LHFPL2: variants seen among roughly 807,000 people sequenced by gnomAD.
LHFPL2 encodes the protein LHFPL tetraspan subfamily member 2.
In LHFPL2, 7 loss-of-function variants were observed where a neutral mutation model predicts 17.5. The ratio of observed to expected loss-of-function variants is 0.40; its 90% CI spans 0.23 to 0.75. The LOEUF (loss-of-function observed/expected upper bound fraction) is 0.75. Among genes scored for constraint, LHFPL2 ranks in the 30% least tolerant of loss-of-function variants. The pLI is 0.37. For missense variants in LHFPL2, 241 were observed against 294.8 expected, an observed-to-expected ratio of 0.82 and a Z score of 1.34; for synonymous variants, 134 against 116.2, an observed-to-expected ratio of 1.15 and a Z score of -0.99.
intron 1 of LHFPL2, among the ~76,000 whole-genome samples, chr5:78,640,204 C>A (rs775732808): frequency 2.2e-4 from 34 of 151,998 alleles, no homozygotes; most frequent in Non-Finnish European, 4.6e-4. Flanking sequence ...AAAAAAAAAT[C>A]AAACATGCCA....
In LHFPL2 at chr5:78,489,125, G is replaced by C; in HGVS notation, c.459C>G (p.Leu153=). ...TCTGGCAACCCCAGCCAGCAGGGTA[G>C]AGTATCAAACCGAGGATAAGGAATA... ...AGLFLILGLI[L]YPAGWGCQKA... Residue 153 remains leucine (L), a synonymous_variant, in exon 5 of 5, where the codon CTC becomes CTG. Coordinates refer to ENST00000380345, the MANE Select transcript of LHFPL2 (RefSeq NM_005779.3). 6.2e-7 allele frequency: 1 copy of C among 1,614,182 alleles called. No homozygotes were observed. The highest frequency in any genetic ancestry group is 1.7e-5 in the Admixed American group (1 of 60,030).
At chr5:78,567,530 T>C (rs1756889893) in intron 2 of LHFPL2, among the ~76,000 whole-genome samples, 1 of 152,204 alleles carries the variant, frequency 6.6e-6, no homozygotes, top group Non-Finnish European at 1.5e-5. Context: ...GGCATCTGTT[T>C]TTTAGAAACA....
chr5:78,538,340 T>C lies in LHFPL2; in HGVS notation c.-186+26473A>G, dbSNP rs551816275. 2.8e-3 allele frequency among the ~76,000 whole-genome samples: 431 copies of C among 152,148 alleles called. 3 individuals are homozygous for C. The highest frequency in any genetic ancestry group is 9.8e-3 in the African/African-American group (407 of 41,532). ...ATACAACAGGTGGCTCATTAAACAT[T>C]TTTTTAAATTAATAGCAAACATTCA... On this transcript the variant is annotated intron_variant, in intron 3 of 4. Transcript: ENST00000380345.
chr5:78,635,790 G>A (rs1561375872), intron 1 of LHFPL2, among the ~76,000 whole-genome samples: 2 of 151,094 alleles, frequency 1.3e-5, no homozygotes, highest in South Asian at 2.1e-4. Flanking sequence ...GTGACAGAGC[G>A]AGACTCCGTC....
At chr5:78,527,372 T>G (rs999930767) in intron 3 of LHFPL2, among the ~76,000 whole-genome samples, 32 of 149,704 alleles carry the variant, frequency 2.1e-4, no homozygotes, top group Admixed American at 1.5e-3. Flanking sequence ...AGTTTTTTTT[T>G]TTTTTTTTTT....
At chr5:78,508,676 G>A (rs1202390531) in intron 4 of LHFPL2, among the ~76,000 whole-genome samples, 1 of 152,198 alleles carries the variant, frequency 6.6e-6, no homozygotes. Context: ...CTGCTTTACA[G>A]CCCTGGACAT....
intron 4 of LHFPL2, among the ~76,000 whole-genome samples, chr5:78,502,688 A>G (rs886982682): frequency 7.6e-6 from 1 of 130,842 alleles, no homozygotes; most frequent in African/African-American, 3.0e-5. Context: ...ACAAGGTAAA[A>G]GGCACTTTTA....
chr5:78,548,899 TA>T (rs1416304208), intron 3 of LHFPL2: 1 of 152,224 alleles, frequency 6.6e-6, no homozygotes, highest in East Asian at 1.9e-4. Context: ...AGTATCAGAT[TA>T]GATAAGAAAA....
At chr5:78,614,309 T>C (rs1254437081) in intron 2 of LHFPL2, among the ~76,000 whole-genome samples, 1 of 152,234 alleles carries the variant, frequency 6.6e-6, no homozygotes, top group African/African-American at 2.4e-5. Flanking sequence ...AACAACTCTA[T>C]CCACCTTCTC....
chr5:78,625,815 G>A (rs914733819), intron 2 of LHFPL2: 10 of 152,204 alleles, frequency 6.6e-5, no homozygotes, highest in African/African-American at 1.4e-4. Flanking sequence ...CTGGCCTCAC[G>A]GGGCTTTAGC....
chr5:78,565,642 G>A (rs1037188660), intron 2 of LHFPL2, among the ~76,000 whole-genome samples: 2 of 152,228 alleles, frequency 1.3e-5, no homozygotes, highest in South Asian at 4.2e-4. Flanking sequence ...TCATGCACCT[G>A]GGACTGTTAT....
chr5:78,556,051 T>C (rs538529777), intron 3 of LHFPL2, among the ~76,000 whole-genome samples: 1 of 152,122 alleles, frequency 6.6e-6, no homozygotes, highest in South Asian at 2.1e-4. Flanking sequence ...TCATGAGGTG[T>C]GGGTGAGGTG....
chr5:78,645,053 C>G (rs1745817094), intron 1 of LHFPL2, among the ~76,000 whole-genome samples: 2 of 152,184 alleles, frequency 1.3e-5, no homozygotes, highest in Admixed American at 1.3e-4. Context: ...TAGGCCTCCC[C>G]TTCTCCCTTT....
At chr5:78,637,279 G>C (rs1022774005) in intron 1 of LHFPL2, among the ~76,000 whole-genome samples, 4 of 152,274 alleles carry the variant, frequency 2.6e-5, no homozygotes, top group African/African-American at 9.6e-5. Flanking sequence ...TGAAGTTATA[G>C]GGTATGTGGG....
chr5:78,502,602 T>TG (rs1754807290), intron 4 of LHFPL2, among the ~76,000 whole-genome samples: 1 of 152,214 alleles, frequency 6.6e-6, no homozygotes, highest in South Asian at 2.1e-4. Context: ...AAGACAGAGC[T>TG]CCTGCTCGAC....
intron 3 of LHFPL2, among the ~76,000 whole-genome samples, chr5:78,558,769 CATCAACACTGAGAAGAG>C (rs1238168137): frequency 6.6e-6 from 1 of 152,248 alleles, no homozygotes; most frequent in Non-Finnish European, 1.5e-5. Context: ...ACTCCGGTCA[CATCAACACTGAGAAGAG>C]ATCTTTTCCA....
At chr5:78,628,752 A>C (rs530312448) in intron 2 of LHFPL2, among the ~76,000 whole-genome samples, 15 of 152,360 alleles carry the variant, frequency 9.8e-5, no homozygotes, top group African/African-American at 2.6e-4. Flanking sequence ...GCTGGGCTGC[A>C]AGGAGAGCTT....
chr5:78,486,745 T>G lies in LHFPL2; in HGVS notation c.*2152A>C, dbSNP rs1247221393. ...TCCCTTGTGACTGTTCCCAGGTTGA[T>G]CTAGAGGTACACTGCCACCTTAGCC... On this transcript the variant is annotated 3_prime_UTR_variant, in exon 5 of 5. Coordinates refer to ENST00000380345, the MANE Select transcript of LHFPL2 (RefSeq NM_005779.3). 6.6e-6 allele frequency: 1 copy of G among 152,164 alleles called. No individual in the cohort carries two copies. Among genetic ancestry groups the G allele is most frequent in the East Asian group, 1.9e-4 (1 of 5,198 alleles). 9.4% of individuals were successfully genotyped at this position (152,164 alleles called of 1,614,324 possible).
At chr5:78,644,269 A>C in intron 1 of LHFPL2, 9 of 785,340 alleles carry the variant, frequency 1.1e-5, no homozygotes, top group Non-Finnish European at 1.7e-5. Context: ...GAACCAACTT[A>C]TTCATCATCA....
Sources: allele counts gnomAD v4.1 joint callset (sites outside exome capture counted in the v4.1 genomes callset), GRCh38; gene constraint gnomAD v4.1.1; transcripts MANE v1.5; gene names NCBI Gene and HGNC (gene_info 2026-07-23, HGNC 2026-07-21).